Variants in PPP1R16B observed in about 807,000 individuals in gnomAD.
PPP1R16B encodes the protein protein phosphatase 1 regulatory inhibitor subunit 16B.
In PPP1R16B, 14 loss-of-function variants were observed where a neutral mutation model predicts 61.7. That is an observed-to-expected ratio of 0.23 (90% CI 0.15 to 0.35). The LOEUF is 0.35. Among genes scored for constraint, PPP1R16B ranks in the 10% least tolerant of loss-of-function variants. The probability of loss-of-function intolerance (pLI) is 1.00; values close to 1 mark genes in which losing one functional copy is unlikely to be tolerated. For synonymous variants in PPP1R16B, 266 were observed against 305.3 expected (o/e 0.87, Z 1.34); for missense variants, 547 against 752.5 (o/e 0.73, Z 3.19).
chr20:38,853,668 ACTT>A (rs2084983926), intron 2 of PPP1R16B, among the ~76,000 whole-genome samples: 1 of 152,170 alleles, frequency 6.6e-6, no homozygotes, highest in Non-Finnish European at 1.5e-5. Context: ...TGAAACAACA[ACTT>A]CTTATTTCTC....
chr20:38,807,184 T>C (rs926315810), intron 1 of PPP1R16B, among the ~76,000 whole-genome samples: 3 of 152,098 alleles, frequency 2.0e-5, no homozygotes, highest in Non-Finnish European at 4.4e-5. Context: ...CTGCGGCTGG[T>C]GAAGCACCGG....
chr20:38,863,223 C>T (rs1327437244), intron 2 of PPP1R16B, among the ~76,000 whole-genome samples: 2 of 152,146 alleles, frequency 1.3e-5, no homozygotes, highest in Non-Finnish European at 2.9e-5. Flanking sequence ...GAAATGGGGA[C>T]GTTCCCAGAA....
At chr20:38,866,904 T>C (rs1337798176) in intron 2 of PPP1R16B, among the ~76,000 whole-genome samples, 1 of 152,208 alleles carries the variant, frequency 6.6e-6, no homozygotes, top group Non-Finnish European at 1.5e-5. Context: ...CCTGGACTCA[T>C]TAGCAGTCAC....
chr20:38,909,776 C>A (rs2085474470), intron 10 of PPP1R16B, among the ~76,000 whole-genome samples: 1 of 152,092 alleles, frequency 6.6e-6, no homozygotes, highest in Admixed American at 6.6e-5. Flanking sequence ...CAAGGGGAGG[C>A]CACATCAAAG....
intron 2 of PPP1R16B, among the ~76,000 whole-genome samples, chr20:38,862,364 G>C (rs530797343): frequency 2.0e-3 from 301 of 152,322 alleles, no homozygotes; most frequent in African/African-American, 6.7e-3. Context: ...CCATTTTATG[G>C]AAGAGGAAGC....
intron 2 of PPP1R16B, among the ~76,000 whole-genome samples, chr20:38,850,392 G>A (rs1347978035): frequency 6.6e-6 from 1 of 152,162 alleles, no homozygotes; most frequent in Non-Finnish European, 1.5e-5. Flanking sequence ...GAAGGAGGGA[G>A]AATGGATGCT....
intron 2 of PPP1R16B, among the ~76,000 whole-genome samples, chr20:38,855,931 T>TAG (rs1264458654): frequency 1.2e-3 from 63 of 52,666 alleles, no homozygotes; most frequent in Non-Finnish European, 1.6e-3. Flanking sequence ...TATATATATA[T>TAG]ATATATATAT....
chr20:38,866,643 A>T (rs2085092808), intron 2 of PPP1R16B, among the ~76,000 whole-genome samples: 1 of 152,092 alleles, frequency 6.6e-6, no homozygotes, highest in South Asian at 2.1e-4. Flanking sequence ...ATGGCCTGGG[A>T]TGGAGGGTGG....
chr20:38,907,033 T>G lies in PPP1R16B; in HGVS notation c.877T>G (p.Ser293Ala), dbSNP rs780252902. The change falls in exon 8 of 11, where the codon TCC becomes GCC. Residue 293 changes from serine (S) to alanine (A), a missense_variant. Coordinates refer to ENST00000299824, the MANE Select transcript of PPP1R16B (RefSeq NM_015568.4). The surrounding 1 kb of genome is among the most constrained non-coding windows in gnomAD (Gnocchi z 4.5). The stretch of plus-strand genomic sequence containing the variant: ...TGGAGCTAGTCTCAGTGCAAGGACA[T>G]CCATGGATGAGATGCCAATAGGTAA... ...SHGASLSART[S>A]MDEMPIDLCE... The G allele has an allele frequency of 6.2e-7, 1 of 1,614,020 alleles. No individual in the cohort carries two copies. The highest frequency in any genetic ancestry group is 1.1e-5 in the South Asian group (1 of 91,078).
intron 2 of PPP1R16B, among the ~76,000 whole-genome samples, chr20:38,852,205 AG>A (rs766570515): frequency 6.6e-6 from 1 of 152,244 alleles, no homozygotes; most frequent in Non-Finnish European, 1.5e-5. Flanking sequence ...TTATGGAAAA[AG>A]GGGACTTCAA....
intron 2 of PPP1R16B, among the ~76,000 whole-genome samples, chr20:38,844,220 T>G (rs1001871993): frequency 6.6e-6 from 1 of 152,176 alleles, no homozygotes; most frequent in East Asian, 1.9e-4. Flanking sequence ...TATAAGAAAA[T>G]GTATAGTTTC....
chr20:38,851,973 C>A (rs1364357868), intron 2 of PPP1R16B, among the ~76,000 whole-genome samples: 2 of 152,146 alleles, frequency 1.3e-5, no homozygotes, highest in Non-Finnish European at 2.9e-5. Context: ...GGCAAGGCTG[C>A]AGTAAGTCAC....
intron 10 of PPP1R16B, among the ~76,000 whole-genome samples, chr20:38,913,735 G>A (rs1025630887): frequency 2.0e-5 from 3 of 152,174 alleles, no homozygotes; most frequent in African/African-American, 4.8e-5. Context: ...GGATGAGCAG[G>A]TGGTGTAATT....
chr20:38,922,686 G>C lies in PPP1R16B; in HGVS notation c.*4020G>C, dbSNP rs1451458357. 6.6e-6 allele frequency: 1 copy of C among 152,558 alleles called. No individual in the cohort carries two copies. Among genetic ancestry groups the C allele is most frequent in the Non-Finnish European group, 1.5e-5 (1 of 68,038 alleles). 9.5% of individuals were successfully genotyped at this position (152,558 alleles called of 1,614,324 possible). On this transcript the variant is annotated 3_prime_UTR_variant, in exon 11 of 11. Transcript: ENST00000299824. Reference sequence around the variant, plus strand: ...ATAATTCACCAGACCAGAAGCCACTGGTGTACAGAGAACACTTAAAAAAAT... The same window carrying C: ...ATAATTCACCAGACCAGAAGCCACTCGTGTACAGAGAACACTTAAAAAAAT...
chr20:38,900,825 C>T, intron 5 of PPP1R16B, 141 bp downstream of exon 5: 1 of 560,712 alleles, frequency 1.8e-6, no homozygotes, highest in East Asian at 3.5e-5. Context: ...GGTCCCCATT[C>T]ATATCCTTAT....
chr20:38,857,583 G>T (rs1335489052), intron 2 of PPP1R16B, among the ~76,000 whole-genome samples: 2 of 152,182 alleles, frequency 1.3e-5, no homozygotes, highest in African/African-American at 4.8e-5. Context: ...ATTTTATATA[G>T]ATAGATCGGT....
intron 2 of PPP1R16B, among the ~76,000 whole-genome samples, chr20:38,859,142 C>G (rs1214005371): frequency 6.6e-6 from 1 of 152,240 alleles, no homozygotes; most frequent in Non-Finnish European, 1.5e-5. Flanking sequence ...GTTTGATGGT[C>G]TCCACTGGGG....
In PPP1R16B at chr20:38,896,104, TCCCCTCCCTTCCTTCTTTCTTCCCTTCC is replaced by T. The variant is rs1568679404; in HGVS notation, c.467+395_467+422del. Among the ~76,000 whole-genome samples, 649 of 93,492 alleles carry T rather than the reference TCCCCTCCCTTCCTTCTTTCTTCCCTTCC, an allele frequency of 6.9e-3. 12 individuals carry two copies. Among genetic ancestry groups the T allele is most frequent in the African/African-American group, 0.029 (596 of 20,246 alleles). 61.3% of individuals were successfully genotyped at this position (93,492 alleles called of 152,430 possible). ...CCTCCCTTTCTGCCTTTCTTCTGTC[TCCCCTCCCTTCCTTCTTTCTTCCCTTCC>T]TCCCTCCTTTCCTTCTTTCTTCCTC... On this transcript the variant is annotated intron_variant, in intron 4 of 10. Coordinates refer to ENST00000299824, the MANE Select transcript of PPP1R16B (RefSeq NM_015568.4).
At chr20:38,886,198 CTAGG>C (rs1360819495) in intron 2 of PPP1R16B, among the ~76,000 whole-genome samples, 6 of 152,172 alleles carry the variant, frequency 3.9e-5, no homozygotes, top group African/African-American at 1.4e-4. Flanking sequence ...CCTTGGGCTC[CTAGG>C]TACATTGGAA....
Sources: gnomAD v4.1 joint callset for allele counts (sites outside exome capture counted in the v4.1 genomes callset) on GRCh38, gnomAD v4.1.1 for gene constraint, Gnocchi (gnomAD v3.1) non-coding constraint, MANE v1.5 for transcripts, NCBI Gene and HGNC (gene_info 2026-07-23, HGNC 2026-07-21) for gene names.